Variants in DENND6A observed in about 807,000 individuals in gnomAD.
The protein encoded by DENND6A is protein DENND6A.
DENND6A carries 43 observed loss-of-function variants against 95.5 expected under a neutral mutation model. The observed-to-expected ratio is 0.45, with a 90% CI of 0.35 to 0.58. The LOEUF is 0.58. Ranked by LOEUF, DENND6A falls within the 20% of genes least tolerant of loss-of-function variation. The pLI, the probability that DENND6A is intolerant of heterozygous loss-of-function variation, is 0.00. For missense variants in DENND6A, 574 were observed against 736.0 expected (o/e 0.78, Z 2.55); for synonymous variants, 257 against 260.4 (o/e 0.99, Z 0.13).
intron 1 of DENND6A, among the ~76,000 whole-genome samples, chr3:57,687,403 G>A (rs112367415): frequency 0.01 from 1,543 of 152,264 alleles, 18 homozygotes; most frequent in African/African-American, 0.035. Flanking sequence ...AGCAGGAGTT[G>A]GTTCATGAGG....
At chr3:57,691,120 G>A (rs938676373) in intron 1 of DENND6A, among the ~76,000 whole-genome samples, 1 of 152,166 alleles carries the variant, frequency 6.6e-6, no homozygotes, top group Non-Finnish European at 1.5e-5. Flanking sequence ...CCCAAATAAT[G>A]AGAATCCAAA....
intron 3 of DENND6A, 82 bp downstream of exon 3, chr3:57,672,174 T>C: frequency 7.7e-7 from 1 of 1,293,680 alleles, no homozygotes; most frequent in Non-Finnish European, 1.1e-6. Context: ...ATATGCTATT[T>C]CAATCAATTT....
At chr3:57,644,914 A>G (rs894295315) in intron 11 of DENND6A, among the ~76,000 whole-genome samples, 1 of 151,766 alleles carries the variant, frequency 6.6e-6, no homozygotes, top group South Asian at 2.1e-4. Context: ...GAACAAATTC[A>G]GTGAATATGA....
At chr3:57,663,890 A>G (rs957350230) in intron 4 of DENND6A, among the ~76,000 whole-genome samples, 174 bp from the exon 5 acceptor site, 1 of 152,180 alleles carries the variant, frequency 6.6e-6, no homozygotes, top group African/African-American at 2.4e-5. Flanking sequence ...AACAATAATC[A>G]TGACAGCAAC....
At chr3:57,641,882 C>A (rs1288929218) in intron 11 of DENND6A, 135 bp from the exon 12 acceptor site, 8 of 591,596 alleles carry the variant, frequency 1.4e-5, no homozygotes. Context: ...CATTACATAT[C>A]AACTACATGC....
intron 9 of DENND6A, among the ~76,000 whole-genome samples, chr3:57,653,475 G>T (rs1309170823): frequency 1.3e-5 from 2 of 151,984 alleles, no homozygotes; most frequent in Admixed American, 1.3e-4. Flanking sequence ...GCCGGGCGCG[G>T]TGGCTCACGC....
At chr3:57,662,297 C>A (rs372388617) in intron 5 of DENND6A, among the ~76,000 whole-genome samples, 1 of 140,830 alleles carries the variant, frequency 7.1e-6, no homozygotes, top group African/African-American at 2.6e-5. Context: ...CTCAGGTGAT[C>A]CTCCGACCTC....
At position 57,642,950 on chromosome 3, in the gene DENND6A, G is replaced by A. The variant is rs1013326876; in HGVS notation, c.1038-1203C>T. On this transcript the variant is annotated intron_variant, in intron 11 of 19. Coordinates refer to ENST00000311128, the MANE Select transcript of DENND6A (RefSeq NM_152678.3). ...GAACCCAGGAGGTGGAGGTTGCAGT[G>A]AGCCAAGATCGCGCCATCACACTCC... Among the ~76,000 whole-genome samples the A allele has an allele frequency of 2.7e-5, 4 of 149,650 alleles. No individual in the cohort carries two copies. In the East Asian group the frequency reaches 5.9e-4, roughly 22 times the overall value.
At position 57,628,163 on chromosome 3, in the gene DENND6A, A is replaced by G. The variant is rs746921865; in HGVS notation, c.*51T>C. On this transcript the variant is annotated 3_prime_UTR_variant, in exon 20 of 20. Transcript: ENST00000311128. The stretch of plus-strand genomic sequence containing the variant: ...CCTTTGTGCGTCTGGTTGAAATGTC[A>G]GTATGCTTCATGATGCATAATCCTT... 2 of 1,582,678 alleles carry G rather than the reference A, an allele frequency of 1.3e-6. No homozygotes were observed. The highest frequency in any genetic ancestry group is 4.5e-5 in the East Asian group (2 of 44,536).
In DENND6A at chr3:57,665,785, T is replaced by C. The variant is rs144318086; in HGVS notation, c.432+338A>G. On this transcript the variant is annotated intron_variant, in intron 4 of 19. Coordinates refer to ENST00000311128, the MANE Select transcript of DENND6A (RefSeq NM_152678.3). Reference sequence around the variant, plus strand: ...AAAAAGAGACAACTATGTTATCAAGTATGACTACCTCAACTCTAGATGATA... The same window carrying C: ...AAAAAGAGACAACTATGTTATCAAGCATGACTACCTCAACTCTAGATGATA... 3.2e-3 allele frequency among the ~76,000 whole-genome samples: 491 copies of C among 152,300 alleles called. 4 individuals carry two copies. The highest frequency in any genetic ancestry group is 5.4e-3 in the Non-Finnish European group (370 of 68,014).
intron 9 of DENND6A, among the ~76,000 whole-genome samples, chr3:57,653,831 G>GTTT (rs571512945): frequency 7.2e-6 from 1 of 139,754 alleles, no homozygotes; most frequent in Non-Finnish European, 1.6e-5. Context: ...AAATCACTGG[G>GTTT]TTTTTTTTTT....
intron 15 of DENND6A, chr3:57,631,243 C>G (rs974125309): frequency 2.0e-5 from 7 of 353,464 alleles, no homozygotes; most frequent in African/African-American, 1.5e-4. Context: ...GTTGCGCAGG[C>G]TGGAGTGCAA....
At chr3:57,631,177 T>C in intron 15 of DENND6A, 199 bp from the exon 16 acceptor site, 1 of 559,982 alleles carries the variant, frequency 1.8e-6, no homozygotes, top group Non-Finnish European at 3.2e-6. Context: ...TTCAACTAAA[T>C]CTTAGATAAA....
Position 57,627,723 on chromosome 3 carries a change from CT to C in DENND6A, c.*490del, listed in dbSNP as rs1205369474. ...AAAAGCTTCAAGACTAGCAGCTGAA[CT>C]GTGAAACATGTAGGACAACAGAAGG... is the stretch of plus-strand genomic sequence containing the variant. On this transcript the variant is annotated 3_prime_UTR_variant, in exon 20 of 20. Coordinates refer to ENST00000311128, the MANE Select transcript of DENND6A (RefSeq NM_152678.3). 6.5e-6 allele frequency: 1 copy of C among 153,004 alleles called. No individual in the cohort carries two copies. The highest frequency in any genetic ancestry group is 6.5e-5 in the Admixed American group (1 of 15,340). The allele number at this position is 153,004 out of a possible 1,614,324, so 9.5% of individuals were successfully genotyped here. A position where few individuals can be genotyped will look rare whatever the true frequency, so the allele number is the denominator to read the frequency against.
intron 11 of DENND6A, among the ~76,000 whole-genome samples, chr3:57,643,427 A>G (rs1006751896): frequency 6.6e-5 from 10 of 152,094 alleles, no homozygotes; most frequent in African/African-American, 2.4e-4. Context: ...CACAACACAC[A>G]CACACGCCTG....
intron 1 of DENND6A, among the ~76,000 whole-genome samples, chr3:57,691,766 T>G (rs969996709): frequency 1.3e-5 from 2 of 151,182 alleles, no homozygotes; most frequent in African/African-American, 2.4e-5. Context: ...AAGCAATTCC[T>G]TATGCTAAAA....
intron 12 of DENND6A, among the ~76,000 whole-genome samples, chr3:57,635,594 C>T (rs1179665980): frequency 2.0e-5 from 3 of 152,048 alleles, no homozygotes; most frequent in African/African-American, 7.2e-5. Flanking sequence ...ATAATTGAAG[C>T]CTCTAAATTC....
At chr3:57,631,032 G>C (rs1267286866) in intron 15 of DENND6A, 54 bp from the exon 16 acceptor site, 15 of 1,551,078 alleles carry the variant, frequency 9.7e-6, no homozygotes, top group Non-Finnish European at 1.1e-5. Context: ...TATTTAAACA[G>C]ACCTACTTAA....
chr3:57,642,352 G>A (rs1204061982), intron 11 of DENND6A, among the ~76,000 whole-genome samples: 3 of 150,530 alleles, frequency 2.0e-5, no homozygotes, highest in Non-Finnish European at 4.4e-5. Flanking sequence ...AATCACAAAG[G>A]AGAACCTATG....
Sources: allele counts gnomAD v4.1 joint callset (sites outside exome capture counted in the v4.1 genomes callset), GRCh38; gene constraint gnomAD v4.1.1; transcripts MANE v1.5; gene names NCBI Gene and HGNC (gene_info 2026-07-23, HGNC 2026-07-21).